Variants in DCT observed in about 807,000 individuals in gnomAD.
DCT encodes dopachrome tautomerase.
A neutral mutation model predicts 53.0 loss-of-function variants in DCT; 47 were observed. The ratio of observed to expected loss-of-function variants is 0.89; its 90% CI spans 0.70 to 1.13. The LOEUF (loss-of-function observed/expected upper bound fraction) is 1.13, where lower values mean the gene tolerates loss of function less well. DCT is among the 50% of genes most tolerant of loss of function. DCT has a pLI of 0.00. For missense variants in DCT, 669 were observed against 637.4 expected, an observed-to-expected ratio of 1.05 and a Z score of -0.53; for synonymous variants, 244 against 237.0, an observed-to-expected ratio of 1.03 and a Z score of -0.27.
At chr13:94,464,601 C>T (rs886132126) in intron 4 of DCT, among the ~76,000 whole-genome samples, 3 of 151,890 alleles carry the variant, frequency 2.0e-5, no homozygotes, top group Non-Finnish European at 4.4e-5. Flanking sequence ...GATCACGTCA[C>T]TGCACTCCAG....
the DCT span, among the ~76,000 whole-genome samples, chr13:94,488,499 G>T: frequency 6.6e-6 from 1 of 152,008 alleles, no homozygotes. Context: ...AGGATCACTT[G>T]AGCTCAGGAG....
At chr13:94,515,247 C>T in the DCT span, among the ~76,000 whole-genome samples, 3 of 152,208 alleles carry the variant, frequency 2.0e-5, no homozygotes, top group East Asian at 1.9e-4. Flanking sequence ...GCAGCCCCAA[C>T]TGACTAAGAC....
the DCT span, among the ~76,000 whole-genome samples, chr13:94,548,665 A>G: frequency 2.0e-5 from 3 of 151,966 alleles, no homozygotes; most frequent in African/African-American, 7.3e-5. Flanking sequence ...GGGCTCCCAC[A>G]GGTAGCTGGG....
the DCT span, among the ~76,000 whole-genome samples, chr13:94,539,894 G>A: frequency 6.6e-6 from 1 of 152,064 alleles, no homozygotes; most frequent in Non-Finnish European, 1.5e-5. Flanking sequence ...GCTTTACAAT[G>A]GTGTGCATAA....
At chr13:94,445,701 TC>T in intron 6 of DCT, 1 of 1,562,386 alleles carries the variant, frequency 6.4e-7, no homozygotes, top group Non-Finnish European at 8.7e-7. Context: ...GAGTAGAGCC[TC>T]CCAGGCTCAT....
the DCT span, among the ~76,000 whole-genome samples, chr13:94,527,949 C>A: frequency 0.055 from 8,323 of 152,196 alleles, 324 homozygotes; most frequent in Non-Finnish European, 0.082. Context: ...CGTAAATGAC[C>A]TGATGAAGCT....
the DCT span, among the ~76,000 whole-genome samples, chr13:94,515,621 G>A: frequency 6.6e-6 from 1 of 152,168 alleles, no homozygotes; most frequent in South Asian, 2.1e-4. Flanking sequence ...ACCTCAAGAA[G>A]GGCTTGGAGT....
chr13:94,482,754 C>T (rs1017342032), upstream of DCT, among the ~76,000 whole-genome samples: 1 of 152,134 alleles, frequency 6.6e-6, no homozygotes, highest in African/African-American at 2.4e-5. Context: ...AAATTAAATG[C>T]TTTTATTTTG....
Position 94,440,026 on chromosome 13 carries a change from C to T in DCT, c.1432G>A (p.Gly478Arg). The change falls in exon 8 of 8, where the codon GGA (glycine) becomes AGA (arginine). Residue 478 changes from glycine to arginine, a missense_variant. Coordinates refer to ENST00000377028, the MANE Select transcript of DCT (RefSeq NM_001922.5). ...GWPTTLLVVMGTLVALVGLFV... is the reference protein window; with the variant it reads ...GWPTTLLVVMRTLVALVGLFV... ...AGACCAACCAAAGCCACCAGTGTTC[C>T]CATGACTACTAAGAGAGTTGTGGGC... 3.1e-6 allele frequency: 5 copies of T among 1,614,036 alleles called. No individual in the cohort carries two copies. The highest frequency in any genetic ancestry group is 4.2e-6 in the Non-Finnish European group (5 of 1,179,936).
chr13:94,455,488 C>A (rs1446883626), intron 6 of DCT, among the ~76,000 whole-genome samples: 1 of 151,416 alleles, frequency 6.6e-6, no homozygotes, highest in Non-Finnish European at 1.5e-5. Context: ...TAAATTAAAG[C>A]CTGAGGGCCA....
chr13:94,466,190 G>GA (rs1008152600), intron 3 of DCT, among the ~76,000 whole-genome samples: 1 of 151,302 alleles, frequency 6.6e-6, no homozygotes, highest in African/African-American at 2.4e-5. Context: ...GAAGAAAAAA[G>GA]AAAAAGAGTG....
chr13:94,486,865 A>G, the DCT span, among the ~76,000 whole-genome samples: 1 of 152,122 alleles, frequency 6.6e-6, no homozygotes, highest in African/African-American at 2.4e-5. Flanking sequence ...AAATTTATGT[A>G]TTTCCCTAGC....
At chr13:94,481,086 G>A (rs1029840019), upstream of DCT, among the ~76,000 whole-genome samples, 3 of 152,156 alleles carry the variant, frequency 2.0e-5, no homozygotes, top group African/African-American at 7.2e-5. Flanking sequence ...GCTTGAAACC[G>A]CAGCTCCAAT....
chr13:94,478,898 C>G lies in DCT; in HGVS notation c.295+63G>C, dbSNP rs975223665. The G allele has an allele frequency of 8.8e-6, 13 of 1,475,946 alleles. No individual in the cohort carries two copies. In the African/African-American group the frequency reaches 1.1e-4, roughly 13 times the overall value. 91.4% of individuals were successfully genotyped at this position (1,475,946 alleles called of 1,614,324 possible). A position where few individuals can be genotyped will look rare whatever the true frequency, so the allele number is the denominator to read the frequency against. On this transcript the variant is annotated intron_variant, in intron 1 of 7. Coordinates refer to ENST00000377028, the MANE Select transcript of DCT (RefSeq NM_001922.5). ...GTCTCTGTCAAGAGTCTCATCTCTT[C>G]CTTAGAAGGAGCTCTTTCCCCAGCT...
chr13:94,473,206 A>C (rs1594320265), intron 1 of DCT, among the ~76,000 whole-genome samples: 1 of 152,228 alleles, frequency 6.6e-6, no homozygotes, highest in East Asian at 1.9e-4. Context: ...ATATGCATTC[A>C]GTAGAAACTC....
chr13:94,448,636 C>T (rs576416710), intron 6 of DCT, among the ~76,000 whole-genome samples: 1 of 152,278 alleles, frequency 6.6e-6, no homozygotes, highest in African/African-American at 2.4e-5. Flanking sequence ...GGCATGGTGG[C>T]CCACACCTGT....
In DCT at chr13:94,478,968, C is replaced by T. The variant is rs753777021; in HGVS notation, c.288G>A (p.Lys96=). 8.7e-6 allele frequency: 14 copies of T among 1,608,608 alleles called. No homozygotes were observed. The highest frequency in any genetic ancestry group is 3.3e-4 in the Middle Eastern group (2 of 6,038). ...TTGGAGCATGGGCCTCACCTGTGCA[C>T]TTGCAGGTCCGGTGGAAGAATTTTC... ...WPRKFFHRTC[K]CTGNFAGYNC... The change falls in exon 1 of 8, where the codon AAG becomes AAA. Residue 96 remains lysine (K), a synonymous_variant. Coordinates refer to ENST00000377028, the MANE Select transcript of DCT (RefSeq NM_001922.5).
intron 5 of DCT, 82 bp downstream of exon 5, chr13:94,461,928 G>T: frequency 7.9e-7 from 1 of 1,262,478 alleles, no homozygotes. Context: ...CCCAAAACCT[G>T]GGTTTCCTTC....
intron 1 of DCT, 129 bp from the exon 2 acceptor site, chr13:94,469,174 A>G: frequency 1.3e-6 from 1 of 743,638 alleles, no homozygotes; most frequent in Non-Finnish European, 2.2e-6. Context: ...AAGAAAGTCA[A>G]TTTTCCTCCC....
Sources: gnomAD v4.1 joint callset for allele counts (sites outside exome capture counted in the v4.1 genomes callset) on GRCh38, gnomAD v4.1.1 for gene constraint, MANE v1.5 for transcripts, NCBI Gene and HGNC (gene_info 2026-07-23, HGNC 2026-07-21) for gene names.